Variants in KMT2D observed in about 807,000 individuals in gnomAD.
KMT2D encodes the protein histone-lysine N-methyltransferase 2D.
Under a neutral mutation model 512.7 loss-of-function variants are expected in KMT2D, and 55 were observed. The observed-to-expected ratio is 0.11, with a 90% CI of 0.09 to 0.13. The LOEUF (loss-of-function observed/expected upper bound fraction) is 0.13, where lower values mean the gene tolerates loss of function less well. Among genes scored for constraint, KMT2D ranks in the 10% least tolerant of loss-of-function variants. KMT2D has a pLI of 1.00. For missense variants in KMT2D, 6,061 were observed against 7,127.9 expected (o/e 0.85, Z 5.39); for synonymous variants, 2,995 against 2,904.0 (o/e 1.03, Z -1.01).
Position 49,038,852 on chromosome 12 carries a change from G to A in KMT2D, c.8504C>T (p.Ala2835Val). Reference sequence around the variant, plus strand: ...AGGTCCAGGAGTTGATGGAAAGCGAGCTGACATGGCAAATCGCATGGAGGT... The same window carrying A: ...AGGTCCAGGAGTTGATGGAAAGCGAACTGACATGGCAAATCGCATGGAGGT... Reference protein sequence around the residue: ...AATSMRFAMSARFPSTPGPEL... With the variant: ...AATSMRFAMSVRFPSTPGPEL... The change falls in exon 35 of 55, where the codon GCT becomes GTT. Residue 2835 changes from alanine to valine, a missense_variant. By Grantham distance (64) the Ala-to-Val change is moderately conservative. Coordinates refer to ENST00000301067, the MANE Select transcript of KMT2D (RefSeq NM_003482.4). This position sits in a 1 kb window ranked among gnomAD's most constrained non-coding sequence, Gnocchi z 5.7. The A allele has an allele frequency of 1.3e-6, 2 of 1,553,408 alleles. No individual in the cohort carries two copies. Among genetic ancestry groups the A allele is most frequent in the Non-Finnish European group, 1.7e-6 (2 of 1,147,906 alleles).
Position 49,060,458 on chromosome 12 carries a change from A to G in KMT2D, c.-883T>C, listed in dbSNP as rs550322407. On this transcript the variant is annotated 5_prime_UTR_variant, in exon 1 of 55. Transcript: ENST00000301067. ...CCCCCTCGACCCCCGGCTGACTGTGATCGCAGGCGGCCTAGAGGTGCATGG... is the reference window on the plus strand; with the variant it reads ...CCCCCTCGACCCCCGGCTGACTGTGGTCGCAGGCGGCCTAGAGGTGCATGG... 5.6e-3 allele frequency among the ~76,000 whole-genome samples: 860 copies of G among 152,266 alleles called. 5 individuals are homozygous for G. Among genetic ancestry groups the G allele is most frequent in the Non-Finnish European group, 8.0e-3 (546 of 68,002 alleles).
intron 24 of KMT2D, 83 bp from the exon 25 acceptor site, chr12:49,043,511 GC>G: frequency 8.2e-6 from 13 of 1,590,010 alleles, no homozygotes; most frequent in Non-Finnish European, 1.0e-5. Context: ...AGCCCTACAG[GC>G]CAGGACCCTT....
chr12:49,054,741 C>T lies in KMT2D; in HGVS notation c.187G>A (p.Val63Met), dbSNP rs767327365. The T allele has an allele frequency of 4.3e-6, 7 of 1,613,924 alleles. No individual in the cohort carries two copies. Among genetic ancestry groups the T allele is most frequent in the Non-Finnish European group, 5.9e-6 (7 of 1,179,826 alleles). Residue 63 changes from valine to methionine, a missense_variant, in exon 4 of 55, where the codon GTG becomes ATG. Transcript: ENST00000301067. The surrounding 1 kb of genome is among the most constrained non-coding windows in gnomAD (Gnocchi z 6.4). ...CAGTTACAGAGAGCACAACGCCGCA[C>T]CGGACCCCCACTGTGGACACACAAG... ...ETPQDCSGGP[V>M]RRCALCNCGE...
rs1034493008 is a variant in KMT2D, at chr12:49,060,026, C to A, written c.-451G>T. Among the ~76,000 whole-genome samples, 2 of 151,588 alleles carry A rather than the reference C, an allele frequency of 1.3e-5. No individual in the cohort carries two copies. Among genetic ancestry groups the A allele is most frequent in the South Asian group, 4.1e-4 (2 of 4,822 alleles). ...AGGCTCTCCAGATGGAACGTCGAGG[C>A]GCCTCCCCAGCAGCCCGGAAGGAAT... On this transcript the variant is annotated 5_prime_UTR_variant, in exon 1 of 55. Coordinates refer to ENST00000301067, the MANE Select transcript of KMT2D (RefSeq NM_003482.4).
rs2120684358 is a variant in KMT2D at position 49,052,272 on chromosome 12, G to T, written c.1411C>A (p.Pro471Thr). Residue 471 changes from proline to threonine, a missense_variant, in exon 11 of 55, where the codon CCT becomes ACT. By Grantham distance (38) the Pro-to-Thr change is conservative. Transcript: ENST00000301067. Reference protein sequence around the residue: ...PPEASRLSPPPEELPASPLPE... With the variant: ...PPEASRLSPPTEELPASPLPE... Reference sequence around the variant, plus strand: ...AGTGGGGATGCGGGCAATTCCTCAGGTGGTGGTGACAGGCGTGATGCCTCA... The same window carrying T: ...AGTGGGGATGCGGGCAATTCCTCAGTTGGTGGTGACAGGCGTGATGCCTCA... The T allele has an allele frequency of 6.2e-7, 1 of 1,609,348 alleles. No homozygotes were observed. Among genetic ancestry groups the T allele is most frequent in the Non-Finnish European group, 8.5e-7 (1 of 1,177,326 alleles).
At position 49,037,446 on chromosome 12, in the gene KMT2D, G is replaced by A. The variant is rs1438139434; in HGVS notation, c.9910C>T (p.Pro3304Ser). ...TGCTGTTGGGACCCAGCCAAACTGG[G>A]AGAAGAGCCCTCATGTGGCAAAGAC... The part of the protein sequence containing the change: ...AMSLPHEGSS[P>S]SLAGSQQQLS... The change falls in exon 35 of 55, where the codon CCC (proline) becomes TCC (serine). Residue 3304 changes from proline to serine, a missense_variant. Coordinates refer to ENST00000301067, the MANE Select transcript of KMT2D (RefSeq NM_003482.4). The A allele has an allele frequency of 6.3e-7, 1 of 1,581,666 alleles. No individual in the cohort carries two copies. Among genetic ancestry groups the A allele is most frequent in the Non-Finnish European group, 8.6e-7 (1 of 1,163,884 alleles).
rs757421766 is a variant in KMT2D, at chr12:49,033,627, G to C, written c.11078C>G (p.Ala3693Gly). The C allele has an allele frequency of 6.2e-7, 1 of 1,613,712 alleles. No individual in the cohort carries two copies. The highest frequency in any genetic ancestry group is 1.1e-5 in the South Asian group (1 of 91,088). The change falls in exon 40 of 55, where the codon GCT becomes GGT. Residue 3693 changes from alanine to glycine, a missense_variant. Physicochemically the swap from Ala to Gly is moderately conservative, Grantham distance 60. Transcript: ENST00000301067. ...QQHSGGAGSL[A>G]GPSGGFFPGN... is the part of the protein sequence containing the mutation. Reference sequence around the variant, plus strand: ...AGGGAAGAAGCCCCCTGAAGGGCCAGCCAGGGATCCAGCCCCACCAGAATG... The same window carrying C: ...AGGGAAGAAGCCCCCTGAAGGGCCACCCAGGGATCCAGCCCCACCAGAATG...
rs1393615670 is a variant in KMT2D, at chr12:49,021,263, C to T, written c.*517G>A. ...ACAGAGGAAAAGAGGGAAACAGAGA[C>T]AGATCAAGAGGGAGGGGGATGGGGG... On this transcript the variant is annotated 3_prime_UTR_variant, in exon 55 of 55. Transcript: ENST00000301067. 4.7e-6 allele frequency: 1 copy of T among 215,004 alleles called. No homozygotes were observed. The highest frequency in any genetic ancestry group is 9.2e-6 in the Non-Finnish European group (1 of 108,156). 13.3% of individuals were successfully genotyped at this position (215,004 alleles called of 1,614,324 possible).
At chr12:49,025,839 C>T (rs546147269) in intron 49 of KMT2D, among the ~76,000 whole-genome samples, 4 of 152,164 alleles carry the variant, frequency 2.6e-5, no homozygotes, top group African/African-American at 7.2e-5. Flanking sequence ...ATTCTGATTT[C>T]GTCCAGGGAA....
In KMT2D at chr12:49,051,915, T is replaced by C. The variant is rs769928294; in HGVS notation, c.1768A>G (p.Met590Val). Reference protein sequence around the residue: ...PMSPPPEESPMSPPPEASRLF... With the variant: ...PMSPPPEESPVSPPPEASRLF... The stretch of plus-strand genomic sequence containing the variant: ...CGAGATGCCTCCGGTGGTGGAGACA[T>C]GGGTGACTCTTCAGGTGGAGGGGAC... Residue 590 changes from methionine (M) to valine (V), a missense_variant, in exon 11 of 55, where the codon ATG becomes GTG. Transcript: ENST00000301067. 1.7e-5 allele frequency: 28 copies of C among 1,603,530 alleles called. No homozygotes were observed. In the Admixed American group the frequency reaches 4.2e-4, roughly 24 times the overall value.
rs777589763 is a variant in KMT2D at position 49,038,422 on chromosome 12, A to C, written c.8934T>G (p.Pro2978=). The stretch of plus-strand genomic sequence containing the variant: ...GCAACTTCCCAGCTTCCAGGGCCAG[A>C]GGATTGGGGCGGCCAAGCTCAGTGC... ...PSSTELGRPN[P]LALEAGKLPC... Residue 2978 remains proline, a synonymous_variant, in exon 35 of 55, where the codon CCT becomes CCG. Coordinates refer to ENST00000301067, the MANE Select transcript of KMT2D (RefSeq NM_003482.4). This position sits in a 1 kb window ranked among gnomAD's most constrained non-coding sequence, Gnocchi z 5.7. The C allele has an allele frequency of 1.9e-5, 30 of 1,613,296 alleles. No individual in the cohort carries two copies. Among genetic ancestry groups the C allele is most frequent in the Admixed American group, 5.0e-5 (3 of 59,978 alleles).
intron 12 of KMT2D, 76 bp downstream of exon 12, chr12:49,049,600 TGGGAAA>T (rs1937796941): frequency 7.1e-7 from 1 of 1,407,876 alleles, no homozygotes; most frequent in East Asian, 2.4e-5. Context: ...CAAAGCAAGG[TGGGAAA>T]GTATCAGTGA....
Position 49,030,584 on chromosome 12 carries a change from A to G in KMT2D, c.13839+17T>C, listed in dbSNP as rs2120405321. The G allele has an allele frequency of 7.1e-6, 11 of 1,545,082 alleles. No individual in the cohort carries two copies. The highest frequency in any genetic ancestry group is 9.6e-6 in the Non-Finnish European group (11 of 1,145,360). On this transcript the variant is annotated intron_variant, in intron 42 of 54. Coordinates refer to ENST00000301067, the MANE Select transcript of KMT2D (RefSeq NM_003482.4). ...AAGAACTTCACTATTCCCAAAAAAT[A>G]TTGCCATTTTTCTGACCTTGGTAAG...
Position 49,026,123 on chromosome 12 carries a change from T to C in KMT2D, c.15784+59A>G, listed in dbSNP as rs1942569894. On this transcript the variant is annotated intron_variant, in intron 49 of 54. Coordinates refer to ENST00000301067, the MANE Select transcript of KMT2D (RefSeq NM_003482.4). The surrounding 1 kb of genome is among the most constrained non-coding windows in gnomAD (Gnocchi z 9.6). The stretch of plus-strand genomic sequence containing the variant: ...GGTCCTCTTATAGACATTGTAACAG[T>C]GACCCTGGGAGAAACTTTTCCCATT... 23 of 1,468,090 alleles carry C rather than the reference T, an allele frequency of 1.6e-5. No homozygotes were observed. Among genetic ancestry groups the C allele is most frequent in the Non-Finnish European group, 2.1e-5 (23 of 1,089,116 alleles). The allele number at this position is 1,468,090 out of a possible 1,614,324, so 90.9% of individuals were successfully genotyped here.
At position 49,024,145 on chromosome 12, in the gene KMT2D, A is replaced by C. The variant is rs1302900932; in HGVS notation, c.16052+433T>G. The C allele has an allele frequency of 2.2e-6, 1 of 449,044 alleles. No homozygotes were observed. Among genetic ancestry groups the C allele is most frequent in the African/African-American group, 2.0e-5 (1 of 49,220 alleles). 27.8% of individuals were successfully genotyped at this position (449,044 alleles called of 1,614,324 possible). Reference sequence around the variant, plus strand: ...AAGTGCTATACAAATGTAAGGTTTTATTATTTTTCTATTATATCTCTAACT... The same window carrying C: ...AAGTGCTATACAAATGTAAGGTTTTCTTATTTTTCTATTATATCTCTAACT... On this transcript the variant is annotated intron_variant, in intron 51 of 54. Coordinates refer to ENST00000301067, the MANE Select transcript of KMT2D (RefSeq NM_003482.4). The surrounding 1 kb of genome is among the most constrained non-coding windows in gnomAD (Gnocchi z 4.5).
chr12:49,041,675 G>T lies in KMT2D; in HGVS notation c.6214C>A (p.Arg2072Ser). ...QKAKDNRAAHRINKVQKQAES... is the reference protein window; with the variant it reads ...QKAKDNRAAHSINKVQKQAES... ...CTCACCTTCTGCACCTTGTTGATGC[G>T]GTGAGCTGCCCGGTTATCTTTGGCC... The change falls in exon 31 of 55, where the codon CGC becomes AGC. Residue 2072 changes from arginine (R) to serine (S), a missense_variant. Physicochemically the swap from Arg to Ser is moderately radical, Grantham distance 110 (BLOSUM62 -1). Around this residue, in one of 16 missense-constraint regions of KMT2D, gnomAD observed 640 missense variants for 814.3 expected, o/e 0.79. Coordinates refer to ENST00000301067, the MANE Select transcript of KMT2D (RefSeq NM_003482.4). The surrounding 1 kb of genome is among the most constrained non-coding windows in gnomAD (Gnocchi z 5.4). The T allele has an allele frequency of 6.2e-7, 1 of 1,612,904 alleles. No individual in the cohort carries two copies. The highest frequency in any genetic ancestry group is 8.5e-7 in the Non-Finnish European group (1 of 1,179,382).
chr12:49,032,617 C>G lies in KMT2D; in HGVS notation c.12088G>C (p.Asp4030His), dbSNP rs1207411645. 1 of 1,613,996 alleles carries G rather than the reference C, an allele frequency of 6.2e-7. No individual in the cohort carries two copies. The highest frequency in any genetic ancestry group is 8.5e-7 in the Non-Finnish European group (1 of 1,179,890). ...GTGGCCTCTGAAGAAACGGCTGGGT[C>G]TACGGTGTTTTGTTCCTTGCCCGTC... The part of the protein sequence containing the change: ...LLTGKEQNTV[D>H]PAVSSEATEG... The change falls in exon 40 of 55, where the codon GAC becomes CAC. Residue 4030 changes from aspartate (D) to histidine (H), a missense_variant. Transcript: ENST00000301067.
chr12:49,045,394 AGCCCTTTGGGAG>A (rs1943736315), intron 19 of KMT2D, among the ~76,000 whole-genome samples: 1 of 152,156 alleles, frequency 6.6e-6, no homozygotes, highest in African/African-American at 2.4e-5. Flanking sequence ...TTGTAATCCC[AGCCCTTTGGGAG>A]GCCGAGGCTG....
Position 49,052,683 on chromosome 12 carries a change from G to A in KMT2D, c.1139C>T (p.Thr380Ile), listed in dbSNP as rs1399241108. The change falls in exon 10 of 55, where the codon ACC (threonine) becomes ATC (isoleucine). Residue 380 changes from threonine to isoleucine, a missense_variant. Around this residue, in one of 16 missense-constraint regions of KMT2D, gnomAD observed 848 missense variants for 838.5 expected, o/e 1.01. Transcript: ENST00000301067. ...CAGAGCATCGGGCTCGTCAGTGGGG[G>A]TATCGCCAGGCTCTGGGGGTGAAAA... ...SRFSPPEPGDTPTDEPDALYV... is the reference protein window; with the variant it reads ...SRFSPPEPGDIPTDEPDALYV... 1.2e-6 allele frequency: 2 copies of A among 1,613,632 alleles called. No individual in the cohort carries two copies. Among genetic ancestry groups the A allele is most frequent in the East Asian group, 4.5e-5 (2 of 44,896 alleles).
Sources: allele counts gnomAD v4.1 joint callset (sites outside exome capture counted in the v4.1 genomes callset), GRCh38; gene constraint gnomAD v4.1.1; regional missense constraint gnomAD v4.1.1; non-coding constraint Gnocchi (gnomAD v3.1); transcripts MANE v1.5; gene names NCBI Gene and HGNC (gene_info 2026-07-23, HGNC 2026-07-21).